The following MASP2 variants were observed in gnomAD, a reference collection of about 807,000 sequenced individuals.
The protein encoded by MASP2 is MBL associated serine protease 2.
Under a neutral mutation model 57.1 loss-of-function variants are expected in MASP2, and 49 were observed. The observed-to-expected ratio is 0.86, with a 90% confidence interval of 0.68 to 1.09. MASP2 has a LOEUF of 1.09. MASP2 is among the 50% of genes least tolerant of loss of function. The pLI is 0.00. For synonymous variants in MASP2, 379 were observed against 340.8 expected (o/e 1.11, Z -1.24); for missense variants, 900 against 874.8 (o/e 1.03, Z -0.36).
rs781211839 is a variant in MASP2, at chr1:11,046,607, A to C, written c.361T>G (p.Tyr121Asp). ...SSLDITFRSD[Y>D]SNEKPFTGFE... ...CCCGTGAACGGCTTCTCGTTGGAGT[A>C]GTCGGAGCGGAAGGTAATGTCCAGG... Residue 121 changes from tyrosine (Y) to aspartate (D), a missense_variant, in exon 3 of 11, where the codon TAC (tyrosine) becomes GAC (aspartate). Transcript: ENST00000400897. 13 of 1,613,716 alleles carry C rather than the reference A, an allele frequency of 8.1e-6. No homozygotes were observed. The South Asian group carries it at 1.4e-4, about 18-fold the overall frequency.
chr1:11,029,827 G>A (rs1176942982), intron 10 of MASP2: 6 of 167,564 alleles, frequency 3.6e-5, no homozygotes, highest in Non-Finnish European at 7.7e-5. Context: ...TATTAGAGAC[G>A]GGGTTTCTCC....
intron 8 of MASP2, among the ~76,000 whole-genome samples, chr1:11,032,454 C>T (rs1330654587): frequency 6.7e-6 from 1 of 150,006 alleles, no homozygotes; most frequent in East Asian, 2.0e-4. Context: ...TCTACTAAAA[C>T]TAAAAAAATT....
At chr1:11,040,595 T>G (rs551949334) in intron 6 of MASP2, among the ~76,000 whole-genome samples, 1 of 138,664 alleles carries the variant, frequency 7.2e-6, no homozygotes, top group African/African-American at 2.8e-5. Context: ...AATGGGTGAA[T>G]GGAAAGAGGG....
chr1:11,033,121 G>A (rs1643865205), intron 8 of MASP2, among the ~76,000 whole-genome samples: 1 of 152,004 alleles, frequency 6.6e-6, no homozygotes, highest in South Asian at 2.1e-4. Flanking sequence ...CTGAGGGCGG[G>A]AGTTCGAGAC....
intron 4 of MASP2, 52 bp downstream of exon 4, chr1:11,045,356 G>A: frequency 2.5e-6 from 4 of 1,609,976 alleles, no homozygotes; most frequent in Non-Finnish European, 3.4e-6. Flanking sequence ...GCCCTGAGGA[G>A]CCCCGGGTAT....
At chr1:11,045,683 A>C (rs1638617331) in intron 3 of MASP2, 144 bp from the exon 4 acceptor site, 1 of 876,694 alleles carries the variant, frequency 1.1e-6, no homozygotes, top group Non-Finnish European at 1.7e-6. Flanking sequence ...GTGCCGGGCC[A>C]ATCACCTTAC....
intron 4 of MASP2, among the ~76,000 whole-genome samples, 192 bp from the exon 5 acceptor site, chr1:11,043,727 G>T (rs7536396): frequency 1.3e-5 from 2 of 152,098 alleles, no homozygotes; most frequent in East Asian, 3.9e-4. Flanking sequence ...CGACCCACCC[G>T]ATGGCTGAGG....
At chr1:11,045,002 C>A (rs766772513) in intron 4 of MASP2, 2 of 1,583,066 alleles carry the variant, frequency 1.3e-6, no homozygotes, top group Admixed American at 1.7e-5. Context: ...AGGGAGAAAC[C>A]GAGTCGGGGG....
chr1:11,027,242 TC>T lies in MASP2; in HGVS notation c.1703del (p.Gly568GlufsTer8). The T allele has an allele frequency of 1.9e-6, 3 of 1,614,226 alleles. No individual in the cohort carries two copies. The South Asian group carries it at 3.3e-5, about 18-fold the overall frequency. On this transcript the variant is annotated frameshift_variant, in exon 11 of 11. Coordinates refer to ENST00000400897, the MANE Select transcript of MASP2 (RefSeq NM_006610.4). LOFTEE classifies it low-confidence loss of function (END_TRUNC). ...AESFMRTDDI[G>X]TASGWGLTQR... ...GGGTTAATCCCCATCCAGATGCAGT[TC>T]CAATGTCATCTGTCCTCATAAAGGA...
chr1:11,028,940 C>G (rs370377724), intron 10 of MASP2, among the ~76,000 whole-genome samples: 1 of 150,252 alleles, frequency 6.7e-6, no homozygotes, highest in East Asian at 2.0e-4. Context: ...GTCTTGATCT[C>G]CTGACCTCAC....
intron 10 of MASP2, among the ~76,000 whole-genome samples, chr1:11,028,063 T>TA (rs1643769935): frequency 6.6e-6 from 1 of 151,912 alleles, no homozygotes. Flanking sequence ...CTCTACTACA[T>TA]ACACAAAAAT....
At chr1:11,039,372 GGATGGATA>G (rs1490287570) in intron 6 of MASP2, among the ~76,000 whole-genome samples, 9 of 73,900 alleles carry the variant, frequency 1.2e-4, no homozygotes, top group Admixed American at 7.5e-4. Flanking sequence ...ATGGATGGAT[GGATGGATA>G]GATTGGTGGA....
chr1:11,044,771 C>CCCAA, intron 4 of MASP2: 1 of 1,152,854 alleles, frequency 8.7e-7, no homozygotes, highest in East Asian at 4.2e-5. Flanking sequence ...TCCCGACCCT[C>CCCAA]CCACCCCAGA....
chr1:11,037,692 C>T lies in MASP2; in HGVS notation c.1008+1G>A. 1 of 1,596,220 alleles carries T rather than the reference C, an allele frequency of 6.3e-7. No homozygotes were observed. Among genetic ancestry groups the T allele is most frequent in the Non-Finnish European group, 8.5e-7 (1 of 1,169,676 alleles). On this transcript the variant is annotated splice_donor_variant, in intron 7 of 10. Coordinates refer to ENST00000400897, the MANE Select transcript of MASP2 (RefSeq NM_006610.4). LOFTEE classifies it high-confidence loss of function. ...TCGTGGTGTACTTTGTTTTAACTCACTTGCAGAAGCTCATAGCCAGTCTCG... is the reference window on the plus strand; with the variant it reads ...TCGTGGTGTACTTTGTTTTAACTCATTTGCAGAAGCTCATAGCCAGTCTCG...
intron 7 of MASP2, among the ~76,000 whole-genome samples, chr1:11,037,453 A>G (rs577927091): frequency 6.6e-6 from 1 of 151,752 alleles, no homozygotes; most frequent in East Asian, 1.9e-4. Flanking sequence ...GCTTATGTAA[A>G]TTTAAAGTTA....
chr1:11,046,591 G>A lies in MASP2; in HGVS notation c.377C>T (p.Pro126Leu), dbSNP rs56392418. 10,495 of 1,613,836 alleles carry A rather than the reference G, an allele frequency of 6.5e-3. 580 individuals are homozygous for A. The African/African-American group carries it at 0.12, about 19-fold the overall frequency. ...TFRSDYSNEK[P>L]FTGFEAFYAA... ...ATAGAAGGCCTCGAACCCCGTGAAC[G>A]GCTTCTCGTTGGAGTAGTCGGAGCG... Residue 126 changes from proline to leucine, a missense_variant, in exon 3 of 11, where the codon CCG (proline) becomes CTG (leucine). Transcript: ENST00000400897.
chr1:11,045,427 A>AC lies in MASP2; in HGVS notation c.524dup (p.Asn176Ter). On this transcript the variant is annotated frameshift_variant, in exon 4 of 11. Coordinates refer to ENST00000400897, the MANE Select transcript of MASP2 (RefSeq NM_006610.4). LOFTEE classifies it high-confidence loss of function. Reference sequence around the variant, plus strand: ...CCTCACCTGAGCAGGTGCGCTTGTTACGGTGCAGGACGTAGCCTGCGCGGC... The same window carrying AC: ...CCTCACCTGAGCAGGTGCGCTTGTTACCGGTGCAGGACGTAGCCTGCGCGGC... 1.2e-6 allele frequency: 2 copies of AC among 1,613,194 alleles called. No homozygotes were observed. The highest frequency in any genetic ancestry group is 1.7e-6 in the Non-Finnish European group (2 of 1,179,916).
At chr1:11,040,192 T>G (rs1638381561) in intron 6 of MASP2, among the ~76,000 whole-genome samples, 1 of 151,142 alleles carries the variant, frequency 6.6e-6, no homozygotes, top group Admixed American at 6.6e-5. Flanking sequence ...TGGATGGGGC[T>G]GGGCGCGGTG....
chr1:11,043,118 C>T (rs1457724145), intron 5 of MASP2, 96 bp from the exon 6 acceptor site: 2 of 1,365,804 alleles, frequency 1.5e-6, no homozygotes, highest in Non-Finnish European at 1.0e-6. Flanking sequence ...CAGGGACAGC[C>T]AATGAGGCCA....
Sources: gnomAD v4.1 joint callset for allele counts (sites outside exome capture counted in the v4.1 genomes callset) on GRCh38, gnomAD v4.1.1 for gene constraint, MANE v1.5 for transcripts, NCBI Gene and HGNC (gene_info 2026-07-23, HGNC 2026-07-21) for gene names.